The following ELMO1 variants were observed in gnomAD, a reference collection of about 807,000 sequenced individuals.
The protein encoded by ELMO1 is engulfment and cell motility 1, also known as engulfment and cell motility protein 1.
In ELMO1, 26 loss-of-function variants were observed where a neutral mutation model predicts 98.9. That is an observed-to-expected ratio of 0.26 (90% CI 0.19 to 0.36). The LOEUF (loss-of-function observed/expected upper bound fraction) is 0.36. ELMO1 is among the 10% of genes least tolerant of loss of function. The pLI is 1.00. For synonymous variants in ELMO1, 346 were observed against 346.0 expected (o/e 1.00, Z 0.00); for missense variants, 627 against 935.2 (o/e 0.67, Z 4.30).
At chr7:36,981,395 G>A (rs1412422785) in intron 16 of ELMO1, among the ~76,000 whole-genome samples, 1 of 151,844 alleles carries the variant, frequency 6.6e-6, no homozygotes, top group African/African-American at 2.4e-5. Flanking sequence ...GAAGATATAG[G>A]ATAATATCTG....
intron 4 of ELMO1, among the ~76,000 whole-genome samples, chr7:37,284,828 C>T (rs1797311347): frequency 6.6e-6 from 1 of 151,868 alleles, no homozygotes; most frequent in Non-Finnish European, 1.5e-5. Context: ...CATTTATTGT[C>T]TCTCAACTCA....
At chr7:37,344,345 CT>C (rs1363716903) in intron 1 of ELMO1, among the ~76,000 whole-genome samples, 1 of 152,110 alleles carries the variant, frequency 6.6e-6, no homozygotes, top group Non-Finnish European at 1.5e-5. Flanking sequence ...AGGGAGCATT[CT>C]TTTTGTTTCT....
rs535646008 is a variant in ELMO1 at position 37,136,667 on chromosome 7, C to A, written c.1087-3433G>T. Among the ~76,000 whole-genome samples the A allele has an allele frequency of 2.4e-4, 36 of 151,794 alleles. No homozygotes were observed. The South Asian group carries it at 7.3e-3, about 31-fold the overall frequency. On this transcript the variant is annotated intron_variant, in intron 13 of 21. Coordinates refer to ENST00000310758, the MANE Select transcript of ELMO1 (RefSeq NM_014800.11). ...AAAGATACAGTCTTTTCCAAACAAA[C>A]AAATGCTGAGAGAATTCCCCACTAC...
chr7:37,438,870 C>G (rs1336624702), intron 1 of ELMO1, among the ~76,000 whole-genome samples: 1 of 152,192 alleles, frequency 6.6e-6, no homozygotes, highest in African/African-American at 2.4e-5. Flanking sequence ...GCGCTTTAAA[C>G]CTCAAAGACT....
chr7:37,060,770 C>T (rs947520543), intron 15 of ELMO1, among the ~76,000 whole-genome samples: 1 of 152,026 alleles, frequency 6.6e-6, no homozygotes, highest in Non-Finnish European at 1.5e-5. Context: ...TTCAAAATTT[C>T]ATTTATACTA....
intron 16 of ELMO1, among the ~76,000 whole-genome samples, chr7:36,939,075 G>A (rs1334905314): frequency 6.6e-6 from 1 of 151,862 alleles, no homozygotes; most frequent in Non-Finnish European, 1.5e-5. Context: ...AAATGAACAT[G>A]TATTTACCTG....
At chr7:37,167,328 G>C (rs577523441) in intron 13 of ELMO1, among the ~76,000 whole-genome samples, 2 of 152,118 alleles carry the variant, frequency 1.3e-5, no homozygotes, top group Non-Finnish European at 2.9e-5. Context: ...GAAGCATTTC[G>C]TCCATTTACA....
chr7:37,377,360 T>C (rs141508993), intron 1 of ELMO1, among the ~76,000 whole-genome samples: 1 of 151,794 alleles, frequency 6.6e-6, no homozygotes, highest in East Asian at 1.9e-4. Flanking sequence ...TGTCTCGGGG[T>C]AGCCAAAGTG....
At chr7:37,411,125 T>G (rs1803978323) in intron 1 of ELMO1, among the ~76,000 whole-genome samples, 5 of 152,236 alleles carry the variant, frequency 3.3e-5, no homozygotes, top group Admixed American at 2.6e-4. Flanking sequence ...GAAATAATTA[T>G]GGAGATGTAG....
intron 4 of ELMO1, among the ~76,000 whole-genome samples, chr7:37,298,277 AGTTTTTTTT>A (rs1798153399): frequency 1.1e-5 from 1 of 90,162 alleles, no homozygotes; most frequent in Admixed American, 1.3e-4. Flanking sequence ...AAGACTAGGA[AGTTTTTTTT>A]GTTTTTTTTT....
intron 16 of ELMO1, among the ~76,000 whole-genome samples, chr7:36,982,240 A>G (rs1791128844): frequency 6.6e-6 from 1 of 152,258 alleles, no homozygotes; most frequent in Admixed American, 6.5e-5. Context: ...ATTTCCTGTG[A>G]AAATCCAGTA....
rs141401252 is a variant in ELMO1 at position 37,242,721 on chromosome 7, G to A, written c.449+1635C>T. On this transcript the variant is annotated intron_variant, in intron 7 of 21. Coordinates refer to ENST00000310758, the MANE Select transcript of ELMO1 (RefSeq NM_014800.11). ...GCACTTCAGTGATCAGCAGTGGACT[G>A]CGACAGGGTTTACATGTGGATGTGG... is the stretch of plus-strand genomic sequence containing the variant. Among the ~76,000 whole-genome samples the A allele has an allele frequency of 4.7e-3, 718 of 152,338 alleles. 5 individuals are homozygous for A. The highest frequency in any genetic ancestry group is 7.6e-3 in the Non-Finnish European group (517 of 68,024).
chr7:36,989,610 T>C (rs994441521), intron 16 of ELMO1, among the ~76,000 whole-genome samples: 1 of 152,188 alleles, frequency 6.6e-6, no homozygotes, highest in African/African-American at 2.4e-5. Flanking sequence ...TTCAAGCCAT[T>C]ACAAAAGACC....
chr7:37,108,220 T>C (rs1785046150), intron 14 of ELMO1, among the ~76,000 whole-genome samples: 1 of 152,150 alleles, frequency 6.6e-6, no homozygotes, highest in East Asian at 1.9e-4. Context: ...GAATCATAAA[T>C]CTTGCCTACT....
intron 15 of ELMO1, among the ~76,000 whole-genome samples, chr7:37,091,227 C>T (rs6973281): frequency 9.2e-4 from 140 of 152,284 alleles, no homozygotes; most frequent in African/African-American, 3.2e-3. Flanking sequence ...CCTGTCTCAG[C>T]TTCCTGAGTA....
At chr7:36,936,384 G>T (rs183546789) in intron 16 of ELMO1, among the ~76,000 whole-genome samples, 1 of 152,292 alleles carries the variant, frequency 6.6e-6, no homozygotes, top group East Asian at 1.9e-4. Flanking sequence ...ACCACCCCTG[G>T]ATTACGCTGG....
intron 4 of ELMO1, among the ~76,000 whole-genome samples, chr7:37,283,871 G>GTCC (rs1191746864): frequency 6.6e-6 from 1 of 152,220 alleles, no homozygotes; most frequent in Non-Finnish European, 1.5e-5. Flanking sequence ...TGGTGGCCAT[G>GTCC]CCCTCTTTGA....
intron 4 of ELMO1, among the ~76,000 whole-genome samples, chr7:37,286,816 A>G (rs2130929065): frequency 6.6e-6 from 1 of 152,264 alleles, no homozygotes; most frequent in East Asian, 1.9e-4. Flanking sequence ...AAGTCTATGG[A>G]TCTTCTTTTC....
intron 14 of ELMO1, among the ~76,000 whole-genome samples, chr7:37,119,101 G>A (rs1055195866): frequency 1.3e-4 from 20 of 152,184 alleles, no homozygotes; most frequent in African/African-American, 4.8e-4. Flanking sequence ...GAGGGGTGGT[G>A]CAAGAAATAA....
Sources: allele counts gnomAD v4.1 joint callset (sites outside exome capture counted in the v4.1 genomes callset), GRCh38; gene constraint gnomAD v4.1.1; transcripts MANE v1.5; gene names NCBI Gene and HGNC (gene_info 2026-07-23, HGNC 2026-07-21).